LINGO2: variants seen among roughly 807,000 people sequenced by gnomAD.
The protein encoded by LINGO2 is leucine rich repeat and Ig domain containing 2.
Under a neutral mutation model 30.6 loss-of-function variants are expected in LINGO2, and 14 were observed. That is an observed-to-expected ratio of 0.46 (90% CI 0.30 to 0.72). The LOEUF (loss-of-function observed/expected upper bound fraction) is 0.72, where lower values mean the gene tolerates loss of function less well. Ranked by LOEUF, LINGO2 falls within the 30% of genes least tolerant of loss-of-function variation. The probability of loss-of-function intolerance (pLI) is 0.07; values close to 1 mark genes in which losing one functional copy is unlikely to be tolerated. For synonymous variants in LINGO2, 317 were observed against 288.5 expected (o/e 1.10, Z -1.00); for missense variants, 729 against 751.7 (o/e 0.97, Z 0.35).
chr9:28,382,831 C>T (rs539260782), intron 2 of LINGO2, among the ~76,000 whole-genome samples: 10 of 152,164 alleles, frequency 6.6e-5, no homozygotes, highest in African/African-American at 2.2e-4. Context: ...GTGTTTACCT[C>T]CCTGGATTAT....
rs562009059 is a variant in LINGO2 at position 28,108,849 on chromosome 9, A to G, written c.-86-96444T>C. 8.1e-4 allele frequency among the ~76,000 whole-genome samples: 123 copies of G among 152,258 alleles called. 1 individual carries two copies. In the South Asian group the frequency reaches 8.3e-3, roughly 10 times the overall value. ...TAGATGAGGAAACTCAGTCTCAGAA[A>G]GGTATAACAATGTGCTGAATTTCAT... On this transcript the variant is annotated intron_variant, in intron 4 of 5. Coordinates refer to ENST00000379992, the Ensembl canonical transcript of LINGO2.
the LINGO2 span, among the ~76,000 whole-genome samples, chr9:29,038,189 C>T: frequency 2.6e-5 from 4 of 152,022 alleles, no homozygotes; most frequent in Non-Finnish European, 4.4e-5. Flanking sequence ...CTGTAGACAA[C>T]GTCCAACTGT....
At chr9:28,848,931 G>A in the LINGO2 span, among the ~76,000 whole-genome samples, 1 of 151,852 alleles carries the variant, frequency 6.6e-6, no homozygotes, top group African/African-American at 2.4e-5. Context: ...ATTAGCACAG[G>A]GGTCCTTTGA....
At chr9:28,210,678 A>G (rs1176693037) in intron 4 of LINGO2, among the ~76,000 whole-genome samples, 1 of 151,712 alleles carries the variant, frequency 6.6e-6, no homozygotes, top group Non-Finnish European at 1.5e-5. Flanking sequence ...GCAGAGAGAG[A>G]AGAGAGAAGA....
At chr9:29,034,587 C>A in the LINGO2 span, among the ~76,000 whole-genome samples, 1 of 152,002 alleles carries the variant, frequency 6.6e-6, no homozygotes, top group African/African-American at 2.4e-5. Flanking sequence ...AAATAAATAG[C>A]CCTATGACTA....
the LINGO2 span, among the ~76,000 whole-genome samples, chr9:29,054,855 T>A: frequency 0.36 from 54,514 of 151,930 alleles, 9,858 homozygotes; most frequent in East Asian, 0.48. Context: ...CAGGATCAGA[T>A]GAGGCAAGAT....
At chr9:28,385,576 G>T (rs1247788435) in intron 2 of LINGO2, among the ~76,000 whole-genome samples, 5 of 152,134 alleles carry the variant, frequency 3.3e-5, no homozygotes, top group Non-Finnish European at 7.4e-5. Context: ...GAAGGTATAT[G>T]CAGCTTAGGG....
At chr9:28,932,413 A>T in the LINGO2 span, among the ~76,000 whole-genome samples, 1 of 152,128 alleles carries the variant, frequency 6.6e-6, no homozygotes, top group African/African-American at 2.4e-5. Flanking sequence ...CCATCCTAGA[A>T]TAATCCAACT....
chr9:29,027,565 T>G, the LINGO2 span, among the ~76,000 whole-genome samples: 16 of 152,278 alleles, frequency 1.1e-4, no homozygotes, highest in East Asian at 3.1e-3. Context: ...CTTGAACTAC[T>G]GACCCCAAGT....
At chr9:28,218,877 T>C (rs1329789929) in intron 4 of LINGO2, among the ~76,000 whole-genome samples, 1 of 152,180 alleles carries the variant, frequency 6.6e-6, no homozygotes, top group African/African-American at 2.4e-5. Context: ...AATAGCCCAT[T>C]TGCCATTTCA....
At chr9:28,237,455 T>A (rs925199286) in intron 4 of LINGO2, among the ~76,000 whole-genome samples, 3 of 151,872 alleles carry the variant, frequency 2.0e-5, no homozygotes, top group African/African-American at 7.3e-5. Flanking sequence ...TGTCACTCAA[T>A]AATAACATCG....
the LINGO2 span, among the ~76,000 whole-genome samples, chr9:28,794,201 G>C: frequency 1.3e-5 from 2 of 152,226 alleles, no homozygotes; most frequent in African/African-American, 4.8e-5. Flanking sequence ...CTACTCAGGA[G>C]GCTGAGGCAG....
the LINGO2 span, among the ~76,000 whole-genome samples, chr9:29,108,854 G>A: frequency 6.6e-6 from 1 of 152,114 alleles, no homozygotes; most frequent in Non-Finnish European, 1.5e-5. Flanking sequence ...AAAGCAAATG[G>A]GCAAAATGTG....
At chr9:28,190,193 GT>G (rs1819770646) in intron 4 of LINGO2, among the ~76,000 whole-genome samples, 3 of 152,098 alleles carry the variant, frequency 2.0e-5, no homozygotes, top group Admixed American at 2.0e-4. Flanking sequence ...TTCCTGAGCT[GT>G]TTTGTCCATA....
the LINGO2 span, among the ~76,000 whole-genome samples, chr9:29,092,906 T>C: frequency 7.4e-6 from 1 of 135,466 alleles, no homozygotes; most frequent in Admixed American, 7.7e-5. Flanking sequence ...TATTATTGGA[T>C]ATATATCATA....
At chr9:28,081,341 T>A (rs749974232) in intron 4 of LINGO2, among the ~76,000 whole-genome samples, 1 of 150,828 alleles carries the variant, frequency 6.6e-6, no homozygotes, top group Non-Finnish European at 1.5e-5. Context: ...ATCTATCTAA[T>A]AGACAAAATT....
intron 1 of LINGO2, among the ~76,000 whole-genome samples, chr9:28,518,830 G>T (rs1281426154): frequency 6.6e-6 from 1 of 152,108 alleles, no homozygotes; most frequent in Non-Finnish European, 1.5e-5. Flanking sequence ...CTTTTCTCCT[G>T]TTTATCTTAT....
the LINGO2 span, among the ~76,000 whole-genome samples, chr9:28,863,036 G>T: frequency 1.3e-5 from 2 of 151,996 alleles, no homozygotes; most frequent in Non-Finnish European, 2.9e-5. Flanking sequence ...TTCCAGAAGA[G>T]TAAATGAAAA....
At chr9:28,912,499 T>C in the LINGO2 span, among the ~76,000 whole-genome samples, 1 of 152,160 alleles carries the variant, frequency 6.6e-6, no homozygotes, top group Non-Finnish European at 1.5e-5. Flanking sequence ...TAATAAATTA[T>C]TGTTTGCTGC....
Sources: gnomAD v4.1 joint callset for allele counts (sites outside exome capture counted in the v4.1 genomes callset) on GRCh38, gnomAD v4.1.1 for gene constraint, MANE v1.5 for transcripts, NCBI Gene and HGNC (gene_info 2026-07-23, HGNC 2026-07-21) for gene names.